Variants in TVP23A observed in about 807,000 individuals in gnomAD.
The protein encoded by TVP23A is trans-golgi network vesicle protein 23 homolog A.
A neutral mutation model predicts 31.7 loss-of-function variants in TVP23A; 21 were observed. The observed-to-expected ratio is 0.66, with a 90% confidence interval of 0.47 to 0.95. The LOEUF is 0.95. Among genes scored for constraint, TVP23A ranks in the 40% least tolerant of loss-of-function variants. The pLI is 0.00. For synonymous variants in TVP23A, 104 were observed against 96.0 expected, an observed-to-expected ratio of 1.08 and a Z score of -0.49; for missense variants, 279 against 255.6, an observed-to-expected ratio of 1.09 and a Z score of -0.62.
At chr16:10,803,447 C>T (rs1416476253) in intron 2 of TVP23A, among the ~76,000 whole-genome samples, 2 of 152,186 alleles carry the variant, frequency 1.3e-5, no homozygotes, top group Non-Finnish European at 2.9e-5. Context: ...AAGTTCTGCC[C>T]TCCCAGATGT....
chr16:10,767,206 T>A lies in TVP23A; in HGVS notation c.*1896A>T, dbSNP rs1053297571. On this transcript the variant is annotated 3_prime_UTR_variant, in exon 8 of 8. Transcript: ENST00000299866. This position sits in a 1 kb window ranked among gnomAD's most constrained non-coding sequence, Gnocchi z 4.6. ...GGCAGGTCCACCCACGACTGGGGGCTGGCAGGGCAGACTGGAGGCGAGAAC... is the reference window on the plus strand; with the variant it reads ...GGCAGGTCCACCCACGACTGGGGGCAGGCAGGGCAGACTGGAGGCGAGAAC... The A allele has an allele frequency of 5.0e-6, 2 of 399,768 alleles. No homozygotes were observed. The highest frequency in any genetic ancestry group is 2.1e-5 in the African/African-American group (1 of 48,658). The allele number at this position is 399,768 out of a possible 1,614,324, so 24.8% of individuals were successfully genotyped here.
chr16:10,818,321 C>G lies in TVP23A; in HGVS notation c.10-139G>C. On this transcript the variant is annotated intron_variant, in intron 1 of 7. Coordinates refer to ENST00000299866, the MANE Select transcript of TVP23A (RefSeq NM_001079512.4). The surrounding 1 kb of genome is among the most constrained non-coding windows in gnomAD (Gnocchi z 4.7). ...GACCCTCCGAGCTGGCGGGGCCCCTCCGCTGCGGCTGCAGTGCAAAGCCCT... is the reference window on the plus strand; with the variant it reads ...GACCCTCCGAGCTGGCGGGGCCCCTGCGCTGCGGCTGCAGTGCAAAGCCCT... 3 of 1,348,038 alleles carry G rather than the reference C, an allele frequency of 2.2e-6. No individual in the cohort carries two copies. The highest frequency in any genetic ancestry group is 1.3e-5 in the South Asian group (1 of 76,712). 83.5% of individuals were successfully genotyped at this position (1,348,038 alleles called of 1,614,324 possible).
In TVP23A at chr16:10,818,766, G is replaced by T; in HGVS notation, c.-273C>A. The T allele has an allele frequency of 2.1e-6, 1 of 482,592 alleles. No homozygotes were observed. Among genetic ancestry groups the T allele is most frequent in the Non-Finnish European group, 3.6e-6 (1 of 277,494 alleles). The allele number at this position is 482,592 out of a possible 1,614,324, so 29.9% of individuals were successfully genotyped here. On this transcript the variant is annotated 5_prime_UTR_variant, in exon 1 of 8. Coordinates refer to ENST00000299866, the MANE Select transcript of TVP23A (RefSeq NM_001079512.4). The surrounding 1 kb of genome is among the most constrained non-coding windows in gnomAD (Gnocchi z 4.7). The stretch of plus-strand genomic sequence containing the variant: ...GGCGGCAGGGAGGCAACGGCCTGGG[G>T]AACTGCGGACAGAGATAGTGGGAGG...
intron 2 of TVP23A, among the ~76,000 whole-genome samples, chr16:10,804,142 G>A (rs542585964): frequency 6.6e-6 from 1 of 152,350 alleles, no homozygotes; most frequent in East Asian, 1.9e-4. Flanking sequence ...TGCACAGCCT[G>A]ACCGTGGGGC....
chr16:10,758,822 G>A (rs892296214), downstream of TVP23A, among the ~76,000 whole-genome samples: 2 of 152,156 alleles, frequency 1.3e-5, no homozygotes, highest in Admixed American at 1.3e-4. Context: ...TTCTTCCGTA[G>A]TGACACCCAG....
At position 10,779,944 on chromosome 16, in the gene TVP23A, C is replaced by G. The variant is rs2032317541; in HGVS notation, c.90-4848G>C. 6.6e-6 allele frequency among the ~76,000 whole-genome samples: 1 copy of G among 151,940 alleles called. No individual in the cohort carries two copies. Among genetic ancestry groups the G allele is most frequent in the African/African-American group, 2.4e-5 (1 of 41,350 alleles). ...GCTCTAATAAAAATACAAAAATTAG[C>G]GGGTGTGGTGGTGCACGCCTATAAT... On this transcript the variant is annotated intron_variant, in intron 2 of 7. Transcript: ENST00000299866. This position sits in a 1 kb window ranked among gnomAD's most constrained non-coding sequence, Gnocchi z 4.9.
chr16:10,775,075 G>A lies in TVP23A; in HGVS notation c.111C>T (p.Phe37=), dbSNP rs1284002856. 2.5e-6 allele frequency: 4 copies of A among 1,609,790 alleles called. No individual in the cohort carries two copies. The highest frequency in any genetic ancestry group is 3.4e-6 in the Non-Finnish European group (4 of 1,178,170). Residue 37 remains phenylalanine, a synonymous_variant, in exon 3 of 8, where the codon TTC becomes TTT. Transcript: ENST00000299866. The stretch of plus-strand genomic sequence containing the variant: ...TGGCACTCACTCGGAAAAACAGGTG[G>A]AAAAAGGTGGCCAAGGGGTGTCTAG... ...AKIRHPLATF[F]HLFFRVSAIV...
rs141552962 is a variant in TVP23A, at chr16:10,777,872, G to A, written c.90-2776C>T. Among the ~76,000 whole-genome samples, 164 of 152,196 alleles carry A rather than the reference G, an allele frequency of 1.1e-3. No individual in the cohort carries two copies. The highest frequency in any genetic ancestry group is 3.2e-3 in the African/African-American group (131 of 41,536). On this transcript the variant is annotated intron_variant, in intron 2 of 7. Transcript: ENST00000299866. This position sits in a 1 kb window ranked among gnomAD's most constrained non-coding sequence, Gnocchi z 4.5. ...CTAAAAATACAAAAATTAGCTGAGC[G>A]TGGTGGTGGGCGCCTGTAGTCCCAG... is the stretch of plus-strand genomic sequence containing the variant.
intron 2 of TVP23A, among the ~76,000 whole-genome samples, chr16:10,804,923 T>G (rs1239245339): frequency 2.0e-5 from 3 of 151,860 alleles, no homozygotes; most frequent in Non-Finnish European, 4.4e-5. Context: ...CTGTACCTCT[T>G]GGGCAGTTTC....
intron 5 of TVP23A, among the ~76,000 whole-genome samples, chr16:10,772,317 A>G (rs1409015839): frequency 1.3e-5 from 2 of 152,160 alleles, no homozygotes; most frequent in Non-Finnish European, 2.9e-5. Context: ...CAGGGCCCGC[A>G]CTTTCATTAA....
At chr16:10,758,397 TGGGGAAAGGAGGTTGCAGTGAGCCATGA>T (rs1486059132), downstream of TVP23A, among the ~76,000 whole-genome samples, 2 of 152,144 alleles carry the variant, frequency 1.3e-5, no homozygotes, top group African/African-American at 4.8e-5. Flanking sequence ...CATTTGAGCC[TGGGGAAAGGAGGTTGCAGTGAGCCATGA>T]TCACGCCAGT....
In TVP23A at chr16:10,768,888, T is replaced by C; in HGVS notation, c.*214A>G. On this transcript the variant is annotated 3_prime_UTR_variant, in exon 8 of 8. Coordinates refer to ENST00000299866, the MANE Select transcript of TVP23A (RefSeq NM_001079512.4). This position sits in a 1 kb window ranked among gnomAD's most constrained non-coding sequence, Gnocchi z 4.3. ...AGATGGGTAGTGTGAGGTATTCCGGTCACTTTCAAAGACTCAGGGCATCAC... is the reference window on the plus strand; with the variant it reads ...AGATGGGTAGTGTGAGGTATTCCGGCCACTTTCAAAGACTCAGGGCATCAC... 1 of 627,080 alleles carries C rather than the reference T, an allele frequency of 1.6e-6. No homozygotes were observed. The highest frequency in any genetic ancestry group is 2.8e-6 in the Non-Finnish European group (1 of 351,344). The allele number at this position is 627,080 out of a possible 1,614,324, so 38.8% of individuals were successfully genotyped here. A position where few individuals can be genotyped will look rare whatever the true frequency, so the allele number is the denominator to read the frequency against.
At chr16:10,788,642 T>C (rs2032915176) in intron 2 of TVP23A, among the ~76,000 whole-genome samples, 1 of 152,082 alleles carries the variant, frequency 6.6e-6, no homozygotes, top group Non-Finnish European at 1.5e-5. Flanking sequence ...AGAGTTCTGG[T>C]CTCCACACTA....
downstream of TVP23A, chr16:10,762,194 A>G: frequency 4.8e-6 from 1 of 207,586 alleles, no homozygotes; most frequent in Non-Finnish European, 9.8e-6. Flanking sequence ...CGTCCAGGTT[A>G]CAGAGGAAGG....
intron 2 of TVP23A, among the ~76,000 whole-genome samples, chr16:10,796,263 C>A (rs542960327): frequency 7.0e-4 from 106 of 151,964 alleles, no homozygotes; most frequent in Admixed American, 1.8e-3. Flanking sequence ...TCACTAGAGC[C>A]CAGGAGTTCA....
downstream of TVP23A, among the ~76,000 whole-genome samples, chr16:10,760,308 G>T (rs1348444943): frequency 6.6e-6 from 1 of 152,242 alleles, no homozygotes; most frequent in Non-Finnish European, 1.5e-5. Flanking sequence ...GGACGGGCAT[G>T]GCTGGTTCCG....
chr16:10,807,114 G>C (rs2033981579), intron 2 of TVP23A, among the ~76,000 whole-genome samples: 3 of 152,156 alleles, frequency 2.0e-5, no homozygotes, highest in African/African-American at 7.2e-5. Flanking sequence ...CAAAAGCTCA[G>C]GGGACAGGGG....
In TVP23A at chr16:10,818,652, C is replaced by A. The variant is rs959897684; in HGVS notation, c.-159G>T. 2.2e-6 allele frequency: 2 copies of A among 889,006 alleles called. No individual in the cohort carries two copies. The highest frequency in any genetic ancestry group is 1.8e-5 in the African/African-American group (1 of 55,502). The allele number at this position is 889,006 out of a possible 1,614,324, so 55.1% of individuals were successfully genotyped here. On this transcript the variant is annotated 5_prime_UTR_variant, in exon 1 of 8. Transcript: ENST00000299866. The surrounding 1 kb of genome is among the most constrained non-coding windows in gnomAD (Gnocchi z 4.7). Reference sequence around the variant, plus strand: ...GTGGGGCAGCCTCAGCGCAGCTTCTCGGGTGGGGCGGGGCGCTCGGGGCCT... The same window carrying A: ...GTGGGGCAGCCTCAGCGCAGCTTCTAGGGTGGGGCGGGGCGCTCGGGGCCT...
At chr16:10,762,301 G>A (rs973520321), downstream of TVP23A, among the ~76,000 whole-genome samples, 3 of 152,212 alleles carry the variant, frequency 2.0e-5, no homozygotes, top group African/African-American at 7.2e-5. Context: ...CCAGCACCGG[G>A]ACAGACCGGA....
Sources: gnomAD v4.1 joint callset for allele counts (sites outside exome capture counted in the v4.1 genomes callset) on GRCh38, gnomAD v4.1.1 for gene constraint, Gnocchi (gnomAD v3.1) non-coding constraint, MANE v1.5 for transcripts, NCBI Gene and HGNC (gene_info 2026-07-23, HGNC 2026-07-21) for gene names.